The following TRPV4 variants were observed in gnomAD, a reference collection of about 807,000 sequenced individuals.
TRPV4 encodes transient receptor potential cation channel subfamily V member 4, also known as OSM9-like transient receptor potential channel 4.
A neutral mutation model predicts 84.1 loss-of-function variants in TRPV4; 58 were observed. The observed-to-expected ratio is 0.69, with a 90% CI of 0.56 to 0.86. The LOEUF (loss-of-function observed/expected upper bound fraction) is 0.86, where lower values mean the gene tolerates loss of function less well. TRPV4 is among the 40% of genes least tolerant of loss of function. The pLI, the probability that TRPV4 is intolerant of heterozygous loss-of-function variation, is 0.00. For missense variants in TRPV4, 879 were observed against 1,181.1 expected, an observed-to-expected ratio of 0.74 and a Z score of 3.75; for synonymous variants, 489 against 500.9, an observed-to-expected ratio of 0.98 and a Z score of 0.32.
chr12:109,788,374 T>A, intron 13 of TRPV4, 26 bp downstream of exon 13: 1 of 1,604,106 alleles, frequency 6.2e-7, no homozygotes, highest in South Asian at 1.1e-5. Flanking sequence ...GCTGGTAGAG[T>A]GGGGCTGGGG....
At chr12:109,792,584 T>G in intron 11 of TRPV4, 68 bp downstream of exon 11, 3 of 1,602,168 alleles carry the variant, frequency 1.9e-6, no homozygotes, top group Non-Finnish European at 2.6e-6. Context: ...GGTGCATAAG[T>G]GTGCATGTGG....
chr12:109,817,627 C>T (rs144115402), intron 1 of TRPV4, among the ~76,000 whole-genome samples: 221 of 152,308 alleles, frequency 1.5e-3, no homozygotes, highest in African/African-American at 5.1e-3. Flanking sequence ...AGTCACGCCG[C>T]GATCATGATT....
chr12:109,812,090 A>C (rs558015500), intron 2 of TRPV4, among the ~76,000 whole-genome samples: 5 of 152,314 alleles, frequency 3.3e-5, no homozygotes, highest in African/African-American at 1.2e-4. Context: ...GCTCAACCTC[A>C]CAAAGCAGGG....
chr12:109,803,071 GGGATGGT>G lies in TRPV4; in HGVS notation c.625_631del (p.Thr209LeufsTer13), dbSNP rs1890909343. 1.2e-6 allele frequency: 2 copies of G among 1,614,084 alleles called. No individual in the cohort carries two copies. Among genetic ancestry groups the G allele is most frequent in the African/African-American group, 2.7e-5 (2 of 74,944 alleles). On this transcript the variant is annotated frameshift_variant, in exon 4 of 16. Transcript: ENST00000261740. LOFTEE classifies it high-confidence loss of function. ...GCGCTCCGCGATGTCCAGCAGCACA[GGGATGGT>G]GTCGTTGCGGCCATTGCTCAGGTTC...
chr12:109,827,814 A>T (rs1892307391), intron 1 of TRPV4, among the ~76,000 whole-genome samples: 1 of 151,684 alleles, frequency 6.6e-6, no homozygotes, highest in African/African-American at 2.4e-5. Context: ...ATACATATAC[A>T]CACATACACA....
chr12:109,808,004 A>G (rs978270856), intron 3 of TRPV4, among the ~76,000 whole-genome samples: 2 of 152,212 alleles, frequency 1.3e-5, no homozygotes, highest in Admixed American at 1.3e-4. Flanking sequence ...TTAACTGGTA[A>G]AGGTAGAATC....
chr12:109,812,980 A>AATGG (rs761607096), intron 2 of TRPV4, among the ~76,000 whole-genome samples: 19 of 152,162 alleles, frequency 1.2e-4, no homozygotes, highest in East Asian at 5.8e-4. Context: ...TAGATGGATA[A>AATGG]ATGGATGGAT....
In TRPV4 at chr12:109,792,334, C is replaced by A. The variant is rs771077082; in HGVS notation, c.1891+29G>T. ...TGTTCCCGTCCTTGCACCACCCCTG[C>A]CAGGACCACCTGAGCACCCAGAGCT... On this transcript the variant is annotated intron_variant, in intron 12 of 15. Transcript: ENST00000261740. 3.3e-5 allele frequency: 53 copies of A among 1,611,312 alleles called. No individual in the cohort carries two copies. The Admixed American group carries it at 8.2e-4, about 25-fold the overall frequency.
At chr12:109,822,402 C>A (rs1194305799) in intron 1 of TRPV4, among the ~76,000 whole-genome samples, 1 of 152,178 alleles carries the variant, frequency 6.6e-6, no homozygotes, top group Admixed American at 6.5e-5. Flanking sequence ...ATCAGTCTTG[C>A]CGGGGACATG....
chr12:109,786,427 G>A lies in TRPV4; in HGVS notation c.2336+283C>T, dbSNP rs370359572. On this transcript the variant is annotated intron_variant, in intron 14 of 15. Transcript: ENST00000261740. This position sits in a 1 kb window ranked among gnomAD's most constrained non-coding sequence, Gnocchi z 4.5. ...AGCCTGTGGCGTCCCGATGCGCGTCGGGCACTGGCTGAGCACTTCTCACGT... is the reference window on the plus strand; with the variant it reads ...AGCCTGTGGCGTCCCGATGCGCGTCAGGCACTGGCTGAGCACTTCTCACGT... 1.6e-4 allele frequency among the ~76,000 whole-genome samples: 25 copies of A among 152,250 alleles called. No individual in the cohort carries two copies. In the East Asian group the frequency reaches 2.9e-3, roughly 18 times the overall value.
intron 1 of TRPV4, among the ~76,000 whole-genome samples, chr12:109,823,658 G>A (rs1001464222): frequency 7.9e-5 from 12 of 152,170 alleles, no homozygotes; most frequent in African/African-American, 2.4e-4. Flanking sequence ...TGGGAGTGGG[G>A]AGTGGTGACT....
intron 11 of TRPV4, 89 bp from the exon 12 acceptor site, chr12:109,792,518 C>G: frequency 6.4e-7 from 1 of 1,574,114 alleles, no homozygotes; most frequent in Non-Finnish European, 8.7e-7. Flanking sequence ...TGGTCCCACC[C>G]CAGTGTCCAG....
intron 4 of TRPV4, 26 bp from the exon 5 acceptor site, chr12:109,800,784 G>C (rs1343875601): frequency 1.2e-6 from 2 of 1,611,238 alleles, no homozygotes; most frequent in East Asian, 2.2e-5. Flanking sequence ...GGTCATCCAG[G>C]GTCCTGGCGG....
intron 7 of TRPV4, among the ~76,000 whole-genome samples, chr12:109,795,183 C>G (rs937143106): frequency 2.0e-5 from 3 of 152,090 alleles, no homozygotes; most frequent in African/African-American, 7.2e-5. Context: ...AAATTTTGCC[C>G]AAAGATGATA....
intron 1 of TRPV4, among the ~76,000 whole-genome samples, chr12:109,820,309 G>A (rs1015871022): frequency 6.6e-6 from 1 of 151,980 alleles, no homozygotes; most frequent in Admixed American, 6.6e-5. Flanking sequence ...GCTGAGCCAG[G>A]GTCCCCAGAC....
chr12:109,798,792 A>G lies in TRPV4; in HGVS notation c.974T>C (p.Leu325Pro), dbSNP rs1422192592. 4 of 1,614,190 alleles carry G rather than the reference A, an allele frequency of 2.5e-6. No individual in the cohort carries two copies. The highest frequency in any genetic ancestry group is 2.2e-5 in the East Asian group (1 of 44,874). Residue 325 changes from leucine (L) to proline (P), a missense_variant, in exon 6 of 16, where the codon CTG becomes CCG. Transcript: ENST00000261740. This position sits in a 1 kb window ranked among gnomAD's most constrained non-coding sequence, Gnocchi z 5.0. ...GTCAGCAATGGCCACCAGCGCATGC[A>G]GCACTGTGTTGCCTCGCGAGTCCTG... Reference protein sequence around the residue: ...RRQDSRGNTVLHALVAIADNT... With the variant: ...RRQDSRGNTVPHALVAIADNT...
Position 109,815,304 on chromosome 12 carries a change from CCAGTG to C in TRPV4, c.-31-482_-31-478del, listed in dbSNP as rs1317185511. ...ATGGACAGAACATGCAGTCCAGTGG[CCAGTG>C]CAGTGCAGTGCCTGGCACGTGGTAA... On this transcript the variant is annotated intron_variant, in intron 1 of 15. Transcript: ENST00000261740. This position sits in a 1 kb window ranked among gnomAD's most constrained non-coding sequence, Gnocchi z 4.1. 6.6e-6 allele frequency among the ~76,000 whole-genome samples: 1 copy of C among 152,210 alleles called. No individual in the cohort carries two copies. Among genetic ancestry groups the C allele is most frequent in the Non-Finnish European group, 1.5e-5 (1 of 68,042 alleles).
chr12:109,798,797 T>C lies in TRPV4; in HGVS notation c.969A>G (p.Thr323=), dbSNP rs775556644. ...DMRRQDSRGN[T]VLHALVAIAD... is the part of the protein sequence containing the mutation. ...CAATGGCCACCAGCGCATGCAGCAC[T>C]GTGTTGCCTCGCGAGTCCTGGCGCC... The change falls in exon 6 of 16, where the codon ACA becomes ACG. Residue 323 remains threonine (T), a synonymous_variant. Coordinates refer to ENST00000261740, the MANE Select transcript of TRPV4 (RefSeq NM_021625.5). This position sits in a 1 kb window ranked among gnomAD's most constrained non-coding sequence, Gnocchi z 5.0. 5 of 1,614,210 alleles carry C rather than the reference T, an allele frequency of 3.1e-6. 1 individual carries two copies. In the South Asian group the frequency reaches 5.5e-5, roughly 18 times the overall value.
At chr12:109,827,097 A>C (rs755976423) in intron 1 of TRPV4, among the ~76,000 whole-genome samples, 14 of 152,218 alleles carry the variant, frequency 9.2e-5, no homozygotes, top group Non-Finnish European at 1.9e-4. Context: ...CAGGGCAGAC[A>C]GGTCTCCAAA....
Sources: gnomAD v4.1 joint callset for allele counts (sites outside exome capture counted in the v4.1 genomes callset) on GRCh38, gnomAD v4.1.1 for gene constraint, Gnocchi (gnomAD v3.1) non-coding constraint, MANE v1.5 for transcripts, NCBI Gene and HGNC (gene_info 2026-07-23, HGNC 2026-07-21) for gene names.